FHIT: variants seen among roughly 807,000 people sequenced by gnomAD.
FHIT encodes the protein fragile histidine triad diadenosine triphosphatase.
A neutral mutation model predicts 17.9 loss-of-function variants in FHIT; 19 were observed. The ratio of observed to expected loss-of-function variants is 1.06; its 90% CI spans 0.74 to 1.56. FHIT has a LOEUF of 1.56. FHIT is among the 40% of genes most tolerant of loss of function. The probability of loss-of-function intolerance (pLI) is 0.00; values close to 1 mark genes in which losing one functional copy is unlikely to be tolerated. For synonymous variants in FHIT, 81 were observed against 69.7 expected (o/e 1.16, Z -0.81); for missense variants, 248 against 189.2 (o/e 1.31, Z -1.82).
intron 2 of FHIT, among the ~76,000 whole-genome samples, chr3:61,090,079 T>C (rs1403712178): frequency 6.6e-6 from 1 of 152,176 alleles, no homozygotes; most frequent in Non-Finnish European, 1.5e-5. Flanking sequence ...TAAATATATA[T>C]TTAATTATTT....
At chr3:59,886,348 A>G (rs984621612) in intron 8 of FHIT, 2 of 152,220 alleles carry the variant, frequency 1.3e-5, no homozygotes, top group Non-Finnish European at 2.9e-5. Context: ...TATTTACTAG[A>G]CACTGTGCAG....
intron 5 of FHIT, among the ~76,000 whole-genome samples, chr3:60,526,475 G>T (rs2035579796): frequency 6.6e-6 from 1 of 152,052 alleles, no homozygotes; most frequent in African/African-American, 2.4e-5. Context: ...ACAGGAACCG[G>T]GGGACCTGCT....
chr3:59,925,892 T>C (rs560223190), intron 7 of FHIT, among the ~76,000 whole-genome samples: 1 of 152,362 alleles, frequency 6.6e-6, no homozygotes, highest in South Asian at 2.1e-4. Context: ...TATGGACTTC[T>C]AATAGAATGA....
intron 4 of FHIT, among the ~76,000 whole-genome samples, chr3:60,817,053 T>A (rs1701765332): frequency 6.6e-6 from 1 of 152,024 alleles, no homozygotes; most frequent in Non-Finnish European, 1.5e-5. Flanking sequence ...TTTCTAGGAA[T>A]TAAAACATAT....
At chr3:60,322,663 A>G (rs1242436749) in intron 5 of FHIT, among the ~76,000 whole-genome samples, 2 of 152,196 alleles carry the variant, frequency 1.3e-5, no homozygotes, top group Non-Finnish European at 2.9e-5. Flanking sequence ...TGAAACCTGC[A>G]CTTGCACTGT....
At chr3:60,913,850 G>C (rs1553766490) in intron 3 of FHIT, among the ~76,000 whole-genome samples, 3 of 152,072 alleles carry the variant, frequency 2.0e-5, no homozygotes, top group Non-Finnish European at 4.4e-5. Flanking sequence ...CAAATGGAGT[G>C]GTCTCTCTCC....
intron 3 of FHIT, among the ~76,000 whole-genome samples, chr3:60,979,572 C>T (rs1209265959): frequency 2.6e-5 from 4 of 152,154 alleles, no homozygotes; most frequent in South Asian, 4.1e-4. Flanking sequence ...GGGCTGGCAG[C>T]GGATGGGTGT....
chr3:61,239,960 A>G (rs1432786122), intron 1 of FHIT, among the ~76,000 whole-genome samples: 1 of 152,020 alleles, frequency 6.6e-6, no homozygotes, highest in East Asian at 1.9e-4. Context: ...GCCCTTGCAT[A>G]TAGTTCCAGC....
intron 3 of FHIT, among the ~76,000 whole-genome samples, chr3:60,899,393 A>G (rs1705987442): frequency 6.6e-6 from 1 of 152,216 alleles, no homozygotes; most frequent in African/African-American, 2.4e-5. Context: ...GCTATGAGTA[A>G]TATAAAGTGA....
chr3:60,846,056 A>G (rs1553746348), intron 3 of FHIT, among the ~76,000 whole-genome samples: 1 of 152,206 alleles, frequency 6.6e-6, no homozygotes, highest in African/African-American at 2.4e-5. Flanking sequence ...CCTTTTCTAT[A>G]TAGATAGATT....
At chr3:59,795,728 A>G (rs1699751662) in intron 8 of FHIT, among the ~76,000 whole-genome samples, 1 of 152,202 alleles carries the variant, frequency 6.6e-6, no homozygotes, top group African/African-American at 2.4e-5. Context: ...CCCGGTCTCA[A>G]AAAACAAAAA....
chr3:60,848,798 A>G (rs1703028508), intron 3 of FHIT, among the ~76,000 whole-genome samples: 1 of 152,138 alleles, frequency 6.6e-6, no homozygotes, highest in Non-Finnish European at 1.5e-5. Context: ...ATGAGTTAAA[A>G]TTTTGTATAT....
In FHIT at chr3:61,157,075, A is replaced by T. The variant is rs10212384; in HGVS notation, c.-164+43542T>A. ...ATAAATAAACCACAGACTAAACATA[A>T]ATTTTGCTAAGCATATTCAACTACT... On this transcript the variant is annotated intron_variant, in intron 2 of 9. Coordinates refer to ENST00000492590, the MANE Select transcript of FHIT (RefSeq NM_002012.4). Among the ~76,000 whole-genome samples, 128 of 152,304 alleles carry T rather than the reference A, an allele frequency of 8.4e-4. 1 individual carries two copies. The highest frequency in any genetic ancestry group is 2.0e-3 in the African/African-American group (85 of 41,572).
chr3:60,443,305 C>G (rs570528513), intron 5 of FHIT, among the ~76,000 whole-genome samples: 8 of 152,274 alleles, frequency 5.3e-5, no homozygotes, highest in African/African-American at 1.9e-4. Flanking sequence ...ACTTCCAACA[C>G]TATGTTGAAT....
intron 3 of FHIT, among the ~76,000 whole-genome samples, chr3:61,015,850 G>C (rs1201845956): frequency 6.6e-6 from 1 of 152,176 alleles, no homozygotes; most frequent in Admixed American, 6.5e-5. Context: ...AAAAAAGCCA[G>C]GACAGTCCAA....
At chr3:60,588,075 T>C (rs1553662774) in intron 4 of FHIT, among the ~76,000 whole-genome samples, 1 of 152,048 alleles carries the variant, frequency 6.6e-6, no homozygotes, top group Non-Finnish European at 1.5e-5. Flanking sequence ...AAATGTTCTT[T>C]CTTCCTTGCT....
intron 8 of FHIT, among the ~76,000 whole-genome samples, chr3:59,890,311 T>G (rs1703801076): frequency 6.6e-6 from 1 of 152,124 alleles, no homozygotes; most frequent in Non-Finnish European, 1.5e-5. Flanking sequence ...ATTTTCTACA[T>G]TCCTCATGTT....
chr3:59,913,873 G>A (rs1260461240), intron 8 of FHIT, among the ~76,000 whole-genome samples: 2 of 152,112 alleles, frequency 1.3e-5, no homozygotes, highest in Non-Finnish European at 2.9e-5. Context: ...GAGCTACACA[G>A]GTATACCAGC....
chr3:60,773,252 C>G (rs1281107282), intron 4 of FHIT, among the ~76,000 whole-genome samples: 1 of 152,170 alleles, frequency 6.6e-6, no homozygotes, highest in African/African-American at 2.4e-5. Flanking sequence ...ATCAAAGACA[C>G]ATCGAAACAG....
Sources: gnomAD v4.1 joint callset for allele counts (sites outside exome capture counted in the v4.1 genomes callset) on GRCh38, gnomAD v4.1.1 for gene constraint, MANE v1.5 for transcripts, NCBI Gene and HGNC (gene_info 2026-07-23, HGNC 2026-07-21) for gene names.